FGF14: variants seen among roughly 807,000 people sequenced by gnomAD.
FGF14 encodes fibroblast growth factor homologous factor 4.
A neutral mutation model predicts 25.5 loss-of-function variants in FGF14; 5 were observed. That is an observed-to-expected ratio of 0.20 (90% CI 0.10 to 0.41). The LOEUF (loss-of-function observed/expected upper bound fraction) is 0.41, where lower values mean the gene tolerates loss of function less well. Among genes scored for constraint, FGF14 ranks in the 10% least tolerant of loss-of-function variants. The pLI, the probability that FGF14 is intolerant of heterozygous loss-of-function variation, is 1.00. For missense variants in FGF14, 222 were observed against 320.1 expected, an observed-to-expected ratio of 0.69 and a Z score of 2.34; for synonymous variants, 138 against 118.3, an observed-to-expected ratio of 1.17 and a Z score of -1.08.
chr13:101,811,913 A>G (rs981299330), intron 3 of FGF14, among the ~76,000 whole-genome samples: 1 of 152,208 alleles, frequency 6.6e-6, no homozygotes, highest in Admixed American at 6.5e-5. Flanking sequence ...ATAAAGTTGG[A>G]AGGTCTCTAA....
chr13:102,276,229 CT>C (rs1357161307), intron 1 of FGF14, among the ~76,000 whole-genome samples: 3 of 149,232 alleles, frequency 2.0e-5, no homozygotes, highest in African/African-American at 7.4e-5. Context: ...GTCAACAGTG[CT>C]TTTGCCTTAA....
chr13:102,033,374 G>A (rs868568503), intron 1 of FGF14, among the ~76,000 whole-genome samples: 4 of 152,124 alleles, frequency 2.6e-5, no homozygotes, highest in African/African-American at 9.7e-5. Context: ...TGGGGCACAT[G>A]ACAAGGGAAG....
At chr13:102,161,557 A>T (rs2047626622) in intron 1 of FGF14, among the ~76,000 whole-genome samples, 1 of 133,708 alleles carries the variant, frequency 7.5e-6, no homozygotes, top group African/African-American at 2.7e-5. Flanking sequence ...TATGCAACCA[A>T]CTTTCTGTGA....
At chr13:102,054,429 G>C (rs2042343403) in intron 1 of FGF14, among the ~76,000 whole-genome samples, 1 of 152,152 alleles carries the variant, frequency 6.6e-6, no homozygotes, top group South Asian at 2.1e-4. Flanking sequence ...CCATACCACT[G>C]TTTGGCCATC....
At chr13:102,106,897 G>C (rs1451023472) in intron 1 of FGF14, among the ~76,000 whole-genome samples, 1 of 152,172 alleles carries the variant, frequency 6.6e-6, no homozygotes, top group Non-Finnish European at 1.5e-5. Context: ...TATTCCATTA[G>C]AGTAAATGTG....
At chr13:102,307,483 T>A (rs1330099162) in intron 1 of FGF14, among the ~76,000 whole-genome samples, 1 of 152,198 alleles carries the variant, frequency 6.6e-6, no homozygotes, top group Non-Finnish European at 1.5e-5. Context: ...GCTTATAATT[T>A]GAGTTTATAA....
At chr13:101,828,693 C>A (rs182836334) in intron 3 of FGF14, among the ~76,000 whole-genome samples, 2 of 152,106 alleles carry the variant, frequency 1.3e-5, no homozygotes, top group East Asian at 3.9e-4. Context: ...TGAGTTTAAT[C>A]CACAGGTTAA....
chr13:102,326,685 G>A (rs1341416605), intron 1 of FGF14, among the ~76,000 whole-genome samples: 10 of 65,042 alleles, frequency 1.5e-4, no homozygotes, highest in African/African-American at 6.7e-4. Context: ...GAAGGGAAGG[G>A]AAGGGAAGGG....
chr13:101,779,906 T>G (rs1475348752), intron 3 of FGF14, among the ~76,000 whole-genome samples: 1 of 152,188 alleles, frequency 6.6e-6, no homozygotes, highest in Non-Finnish European at 1.5e-5. Context: ...AATTTTTTCT[T>G]GGACAAATTT....
intron 1 of FGF14, among the ~76,000 whole-genome samples, chr13:102,180,238 T>G (rs2048613231): frequency 6.6e-6 from 1 of 152,200 alleles, no homozygotes. Flanking sequence ...TTAGGACTAT[T>G]TACTGTCATT....
intron 1 of FGF14, among the ~76,000 whole-genome samples, chr13:102,368,478 C>T (rs150180257): frequency 5.3e-5 from 8 of 152,160 alleles, no homozygotes; most frequent in African/African-American, 9.7e-5. Context: ...GGAATTATGA[C>T]CACGGGGGGT....
intron 3 of FGF14, among the ~76,000 whole-genome samples, chr13:101,762,316 G>A (rs1405334593): frequency 6.6e-6 from 1 of 152,204 alleles, no homozygotes; most frequent in African/African-American, 2.4e-5. Flanking sequence ...AGCTGGATAA[G>A]TGTTTCAGTG....
intron 1 of FGF14, among the ~76,000 whole-genome samples, chr13:101,995,014 C>A (rs1005504764): frequency 2.6e-5 from 4 of 151,980 alleles, no homozygotes; most frequent in African/African-American, 9.7e-5. Flanking sequence ...ACTGCAAGGC[C>A]ATTATAAACA....
chr13:101,726,927 C>A (rs1473725096), intron 3 of FGF14, 117 bp from the exon 4 acceptor site: 1 of 703,856 alleles, frequency 1.4e-6, no homozygotes, highest in South Asian at 1.7e-5. Flanking sequence ...CATGGAGGAC[C>A]GGATATACCC....
At chr13:101,786,455 A>G (rs1594242220) in intron 3 of FGF14, among the ~76,000 whole-genome samples, 2 of 152,140 alleles carry the variant, frequency 1.3e-5, no homozygotes, top group South Asian at 4.2e-4. Flanking sequence ...ACAGTCTAAA[A>G]AAGTCTAAGG....
chr13:102,292,965 C>T (rs1328738769), intron 1 of FGF14: 1 of 152,268 alleles, frequency 6.6e-6, no homozygotes, highest in African/African-American at 2.4e-5. Context: ...ATGAAGATCA[C>T]ATCTGCGCAA....
At chr13:102,379,409 C>T (rs2058124436) in intron 1 of FGF14, among the ~76,000 whole-genome samples, 1 of 121,930 alleles carries the variant, frequency 8.2e-6, no homozygotes, top group Non-Finnish European at 1.6e-5. Context: ...CATAGATATA[C>T]ACATACACAC....
chr13:102,101,242 A>T (rs2044649560), intron 1 of FGF14, among the ~76,000 whole-genome samples: 1 of 152,198 alleles, frequency 6.6e-6, no homozygotes, highest in African/African-American at 2.4e-5. Context: ...TAAGTCCCAG[A>T]TATTCTAGCA....
chr13:101,901,288 T>C (rs982515064), intron 1 of FGF14, among the ~76,000 whole-genome samples: 1 of 152,232 alleles, frequency 6.6e-6, no homozygotes, highest in Non-Finnish European at 1.5e-5. Flanking sequence ...CCATAATTCT[T>C]GATGTCTCCC....
Sources: gnomAD v4.1 joint callset for allele counts (sites outside exome capture counted in the v4.1 genomes callset) on GRCh38, gnomAD v4.1.1 for gene constraint, MANE v1.5 for transcripts, NCBI Gene and HGNC (gene_info 2026-07-23, HGNC 2026-07-21) for gene names.